The following PLEKHA5 variants were observed in gnomAD, a reference collection of about 807,000 sequenced individuals.
The protein encoded by PLEKHA5 is pleckstrin homology domain-containing family A member 5.
In PLEKHA5, 55 loss-of-function variants were observed where a neutral mutation model predicts 181.9. The ratio of observed to expected loss-of-function variants is 0.30; its 90% confidence interval spans 0.24 to 0.38. PLEKHA5 has a LOEUF of 0.38. Among genes scored for constraint, PLEKHA5 ranks in the 10% least tolerant of loss-of-function variants. The probability of loss-of-function intolerance (pLI) is 1.00; values close to 1 mark genes in which losing one functional copy is unlikely to be tolerated. For missense variants in PLEKHA5, 1,432 were observed against 1,549.5 expected, an observed-to-expected ratio of 0.92 and a Z score of 1.27; for synonymous variants, 535 against 529.4, an observed-to-expected ratio of 1.01 and a Z score of -0.15.
At chr12:19,315,541 A>G (rs1208784663) in intron 16 of PLEKHA5, among the ~76,000 whole-genome samples, 1 of 152,172 alleles carries the variant, frequency 6.6e-6, no homozygotes, top group Non-Finnish European at 1.5e-5. Flanking sequence ...AGTAATCTGC[A>G]GATCTGCAAA....
intron 3 of PLEKHA5, among the ~76,000 whole-genome samples, chr12:19,164,805 C>T (rs992161384): frequency 3.3e-5 from 5 of 152,160 alleles, no homozygotes; most frequent in Non-Finnish European, 7.3e-5. Context: ...ACAGTTGATA[C>T]CTCATAAAAT....
chr12:19,309,050 A>G (rs1202742996), intron 15 of PLEKHA5, among the ~76,000 whole-genome samples: 2 of 152,074 alleles, frequency 1.3e-5, no homozygotes, highest in East Asian at 3.9e-4. Context: ...CGACAGAGCA[A>G]GACTCCATCT....
chr12:19,133,380 A>G (rs891714928), intron 3 of PLEKHA5, among the ~76,000 whole-genome samples: 1 of 151,910 alleles, frequency 6.6e-6, no homozygotes, highest in Non-Finnish European at 1.5e-5. Flanking sequence ...ATTAGAAACT[A>G]TTTACCTAAG....
chr12:19,172,020 G>A (rs956547408), intron 3 of PLEKHA5, among the ~76,000 whole-genome samples: 3 of 152,124 alleles, frequency 2.0e-5, no homozygotes, highest in Admixed American at 2.0e-4. Context: ...ACCTGCCTGA[G>A]GCTGTTTACA....
intron 3 of PLEKHA5, chr12:19,153,002 T>G (rs1011380970): frequency 3.3e-4 from 10 of 30,488 alleles, no homozygotes; most frequent in Admixed American, 1.6e-3. Flanking sequence ...GGTTTTTTGT[T>G]TTTTTTTTTG....
At chr12:19,234,159 T>C (rs940455266) in intron 3 of PLEKHA5, among the ~76,000 whole-genome samples, 2 of 152,264 alleles carry the variant, frequency 1.3e-5, no homozygotes, top group South Asian at 2.1e-4. Flanking sequence ...TGCGCTTTTA[T>C]AACTACTGCT....
intron 7 of PLEKHA5, among the ~76,000 whole-genome samples, chr12:19,264,079 A>G (rs2069475920): frequency 6.6e-6 from 1 of 151,342 alleles, no homozygotes; most frequent in African/African-American, 2.5e-5. Context: ...TTTTACACGC[A>G]CTGTCTTTGA....
intron 3 of PLEKHA5, among the ~76,000 whole-genome samples, chr12:19,250,675 CT>C (rs987682421): frequency 2.0e-5 from 3 of 151,906 alleles, no homozygotes; most frequent in South Asian, 2.1e-4. Flanking sequence ...TTTTTAAATA[CT>C]TTTTTTTATT....
At chr12:19,191,566 G>A (rs891924029) in intron 3 of PLEKHA5, among the ~76,000 whole-genome samples, 2 of 152,146 alleles carry the variant, frequency 1.3e-5, no homozygotes, top group African/African-American at 4.8e-5. Context: ...TACAAAATAA[G>A]ATACGTTGTA....
intron 15 of PLEKHA5, chr12:19,306,617 G>A: frequency 2.0e-6 from 2 of 1,002,350 alleles, no homozygotes; most frequent in East Asian, 2.4e-5. Context: ...CGGAGGTGGT[G>A]GCGGCGGTGG....
intron 21 of PLEKHA5, among the ~76,000 whole-genome samples, chr12:19,338,139 T>C (rs2093601495): frequency 6.6e-6 from 1 of 152,094 alleles, no homozygotes; most frequent in African/African-American, 2.4e-5. Context: ...GCATATGAAA[T>C]GTGACTATTG....
intron 21 of PLEKHA5, among the ~76,000 whole-genome samples, chr12:19,341,401 A>G (rs1015915686): frequency 1.3e-5 from 2 of 152,216 alleles, no homozygotes; most frequent in Admixed American, 6.5e-5. Flanking sequence ...CTATACATAT[A>G]TATATCTTTT....
chr12:19,186,281 CAG>C (rs1179044965), intron 3 of PLEKHA5, among the ~76,000 whole-genome samples: 5 of 152,178 alleles, frequency 3.3e-5, no homozygotes, highest in Non-Finnish European at 4.4e-5. Flanking sequence ...TTAAAAATAA[CAG>C]AGCAGTTGGG....
chr12:19,141,383 G>A (rs974419742), intron 3 of PLEKHA5, among the ~76,000 whole-genome samples: 8 of 152,178 alleles, frequency 5.3e-5, no homozygotes, highest in South Asian at 2.1e-4. Context: ...TCTGTCCTTA[G>A]CTAGAGCCAA....
Position 19,283,542 on chromosome 12 carries a change from C to T in PLEKHA5, c.1576C>T (p.Arg526Ter), listed in dbSNP as rs1399382445. 2 of 1,614,128 alleles carry T rather than the reference C, an allele frequency of 1.2e-6. No individual in the cohort carries two copies. Among genetic ancestry groups the T allele is most frequent in the Non-Finnish European group, 1.7e-6 (2 of 1,179,996 alleles). ...TTATAACAAACAGAGCACCCTCCCTCGACACAGTACTTTGAGTAGTCCCAA... is the reference window on the plus strand; with the variant it reads ...TTATAACAAACAGAGCACCCTCCCTTGACACAGTACTTTGAGTAGTCCCAA... ...QFYNKQSTLP[R>*]HSTLSSPKTM... is the part of the protein sequence containing the mutation. Residue 526 changes from arginine to a stop codon, truncating the protein, a stop_gained, in exon 12 of 32, where the codon CGA (arginine) becomes TGA (stop). Coordinates refer to ENST00000429027, the MANE Select transcript of PLEKHA5 (RefSeq NM_001256470.2). LOFTEE classifies it high-confidence loss of function.
chr12:19,238,185 C>G (rs1464285772), intron 3 of PLEKHA5, among the ~76,000 whole-genome samples: 2 of 151,892 alleles, frequency 1.3e-5, no homozygotes, highest in African/African-American at 2.4e-5. Context: ...ATGAGGAAAA[C>G]ATGATATGGA....
At chr12:19,315,300 A>G (rs1265142602) in intron 16 of PLEKHA5, among the ~76,000 whole-genome samples, 1 of 152,152 alleles carries the variant, frequency 6.6e-6, no homozygotes, top group Non-Finnish European at 1.5e-5. Context: ...ACTTCCCCCA[A>G]CCTAGTGTTT....
intron 3 of PLEKHA5, among the ~76,000 whole-genome samples, chr12:19,230,061 G>A (rs1241050423): frequency 6.6e-6 from 1 of 151,836 alleles, no homozygotes; most frequent in Non-Finnish European, 1.5e-5. Flanking sequence ...CAGAGTGCTG[G>A]TTGGTGTATT....
At chr12:19,248,294 G>A (rs766205090) in intron 3 of PLEKHA5, among the ~76,000 whole-genome samples, 4 of 152,124 alleles carry the variant, frequency 2.6e-5, no homozygotes, top group Non-Finnish European at 5.9e-5. Flanking sequence ...GCCTCTTGGG[G>A]TCAAGCGATT....
Sources: gnomAD v4.1 joint callset for allele counts (sites outside exome capture counted in the v4.1 genomes callset) on GRCh38, gnomAD v4.1.1 for gene constraint, MANE v1.5 for transcripts, NCBI Gene and HGNC (gene_info 2026-07-23, HGNC 2026-07-21) for gene names.